The following CTNND2 variants were observed in gnomAD, a reference collection of about 807,000 sequenced individuals.
CTNND2 encodes the protein catenin delta-2.
A neutral mutation model predicts 144.4 loss-of-function variants in CTNND2; 22 were observed. The observed-to-expected ratio is 0.15, with a 90% CI of 0.11 to 0.22. CTNND2 has a LOEUF of 0.22. CTNND2 is among the 10% of genes least tolerant of loss of function. The pLI is 1.00. For missense variants in CTNND2, 1,353 were observed against 1,618.8 expected (o/e 0.84, Z 2.82); for synonymous variants, 751 against 695.6 (o/e 1.08, Z -1.25).
chr5:11,112,574 T>C (rs1753107454), intron 13 of CTNND2, among the ~76,000 whole-genome samples: 1 of 152,170 alleles, frequency 6.6e-6, no homozygotes, highest in South Asian at 2.1e-4. Flanking sequence ...AGCCACCAAG[T>C]TTGTGGTCAT....
intron 1 of CTNND2, among the ~76,000 whole-genome samples, chr5:11,815,204 GT>G (rs1407277948): frequency 2.0e-5 from 3 of 152,072 alleles, no homozygotes; most frequent in Non-Finnish European, 4.4e-5. Context: ...TGGAAAAGGA[GT>G]TTAATTCAAA....
At chr5:11,563,454 C>A (rs1776831622) in intron 3 of CTNND2, among the ~76,000 whole-genome samples, 1 of 152,202 alleles carries the variant, frequency 6.6e-6, no homozygotes, top group African/African-American at 2.4e-5. Flanking sequence ...ATTTTTCTCT[C>A]TCCCTAAATT....
intron 3 of CTNND2, among the ~76,000 whole-genome samples, chr5:11,434,237 T>C (rs114972575): frequency 0.022 from 3,304 of 152,314 alleles, 67 homozygotes; most frequent in Non-Finnish European, 0.037. Flanking sequence ...AAACATGCCA[T>C]TGATTCCATT....
In CTNND2 at chr5:11,385,053, C is replaced by T. The variant is rs973764077; in HGVS notation, c.789G>A (p.Pro263=). 6 of 1,111,330 alleles carry T rather than the reference C, an allele frequency of 5.4e-6. No homozygotes were observed. The Admixed American group carries it at 1.5e-4, about 28-fold the overall frequency. 68.8% of individuals were successfully genotyped at this position (1,111,330 alleles called of 1,614,324 possible). ...GCGCGGCCAGCGGGGAGCCCCCGCG[C>T]GGCGGCGCGGGCAGCGTGGAGCTGG... ...YYSSSTLPAP[P]RGGSPLAAPQ... Residue 263 remains proline, a synonymous_variant, in exon 7 of 22, where the codon CCG becomes CCA. Transcript: ENST00000304623.
At chr5:11,226,227 T>C (rs1443331331) in intron 10 of CTNND2, among the ~76,000 whole-genome samples, 1 of 152,172 alleles carries the variant, frequency 6.6e-6, no homozygotes, top group Non-Finnish European at 1.5e-5. Flanking sequence ...GAGATCTAGC[T>C]CTGAGGTACT....
chr5:11,373,783 T>G (rs1757670664), intron 7 of CTNND2, among the ~76,000 whole-genome samples: 1 of 152,178 alleles, frequency 6.6e-6, no homozygotes, highest in Non-Finnish European at 1.5e-5. Context: ...AGCTTCAGAA[T>G]ATCCCCAGAA....
At chr5:11,080,276 C>T (rs1035050050) in intron 16 of CTNND2, among the ~76,000 whole-genome samples, 2 of 152,180 alleles carry the variant, frequency 1.3e-5, no homozygotes, top group Non-Finnish European at 2.9e-5. Context: ...TATCACCTCA[C>T]ACCTATCAGA....
chr5:11,529,873 A>G (rs765187658), intron 3 of CTNND2, among the ~76,000 whole-genome samples: 36 of 152,200 alleles, frequency 2.4e-4, no homozygotes, highest in Middle Eastern at 3.4e-3. Context: ...GGTATCTAAA[A>G]CAGAATTATC....
In CTNND2 at chr5:11,903,324, A is replaced by T; in HGVS notation, c.37+493T>A. ...GGTCTGGCAAGCCGCGGGAGCCTGA[A>T]GACACGGCCATGGACGCATATGACT... On this transcript the variant is annotated intron_variant, in intron 1 of 21. Coordinates refer to ENST00000304623, the MANE Select transcript of CTNND2 (RefSeq NM_001332.4). This position sits in a 1 kb window ranked among gnomAD's most constrained non-coding sequence, Gnocchi z 5.4. The T allele has an allele frequency of 1.0e-6, 1 of 986,044 alleles. No individual in the cohort carries two copies. The allele number at this position is 986,044 out of a possible 1,614,324, so 61.1% of individuals were successfully genotyped here. A position where few individuals can be genotyped will look rare whatever the true frequency, so the allele number is the denominator to read the frequency against.
chr5:11,422,060 A>G (rs1164201591), intron 3 of CTNND2, among the ~76,000 whole-genome samples: 1 of 152,200 alleles, frequency 6.6e-6, no homozygotes, highest in African/African-American at 2.4e-5. Flanking sequence ...ATTACCACAT[A>G]GAGAAGAACA....
chr5:11,640,243 A>C (rs1781930347), intron 2 of CTNND2, among the ~76,000 whole-genome samples: 1 of 152,254 alleles, frequency 6.6e-6, no homozygotes, highest in Non-Finnish European at 1.5e-5. Context: ...AATACATATG[A>C]GTAATTCAAT....
At position 11,303,514 on chromosome 5, in the gene CTNND2, T is replaced by A. The variant is rs567465274; in HGVS notation, c.1628+42858A>T. Among the ~76,000 whole-genome samples, 7 of 152,318 alleles carry A rather than the reference T, an allele frequency of 4.6e-5. No individual in the cohort carries two copies. In the East Asian group the frequency reaches 1.3e-3, roughly 29 times the overall value. The stretch of plus-strand genomic sequence containing the variant: ...CACTGGGTTGCTGAGGCCTTAGTGA[T>A]GTAATGGATGCAAACTGCTGAAGCG... On this transcript the variant is annotated intron_variant, in intron 9 of 21. Coordinates refer to ENST00000304623, the MANE Select transcript of CTNND2 (RefSeq NM_001332.4).
intron 8 of CTNND2, among the ~76,000 whole-genome samples, chr5:11,362,577 A>AT: frequency 6.6e-6 from 1 of 152,186 alleles, no homozygotes; most frequent in Non-Finnish European, 1.5e-5. Flanking sequence ...TTTCCATAGT[A>AT]TTACGTCAAT....
chr5:11,072,205 C>T (rs868419600), intron 16 of CTNND2, among the ~76,000 whole-genome samples: 1 of 152,232 alleles, frequency 6.6e-6, no homozygotes, highest in South Asian at 2.1e-4. Context: ...TTTGATCTCT[C>T]TTGAGCACTG....
chr5:11,855,975 G>C (rs1226834911), intron 1 of CTNND2, among the ~76,000 whole-genome samples: 3 of 152,164 alleles, frequency 2.0e-5, no homozygotes, highest in Non-Finnish European at 2.9e-5. Context: ...AAGTGTGGTT[G>C]CAAGAAAAGG....
At chr5:11,132,048 T>C (rs1387513302) in intron 12 of CTNND2, among the ~76,000 whole-genome samples, 1 of 152,216 alleles carries the variant, frequency 6.6e-6, no homozygotes, top group African/African-American at 2.4e-5. Context: ...ATAACCATCA[T>C]CAAAAAACTG....
chr5:11,298,998 C>A (rs1266405065), intron 9 of CTNND2, among the ~76,000 whole-genome samples: 1 of 150,140 alleles, frequency 6.7e-6, no homozygotes, highest in African/African-American at 2.4e-5. Flanking sequence ...CCTTTTTATT[C>A]CACTGTATAG....
At chr5:11,896,161 T>G (rs960643670) in intron 1 of CTNND2, among the ~76,000 whole-genome samples, 2 of 152,058 alleles carry the variant, frequency 1.3e-5, no homozygotes, top group African/African-American at 4.8e-5. Context: ...CTACCAAAAA[T>G]GAAAATGTCA....
chr5:11,216,401 C>T (rs1272142381), intron 10 of CTNND2, among the ~76,000 whole-genome samples: 1 of 152,206 alleles, frequency 6.6e-6, no homozygotes, highest in Non-Finnish European at 1.5e-5. Flanking sequence ...AAGTTCCTTT[C>T]AAAGCCGAAG....
Sources: allele counts gnomAD v4.1 joint callset (sites outside exome capture counted in the v4.1 genomes callset), GRCh38; gene constraint gnomAD v4.1.1; non-coding constraint Gnocchi (gnomAD v3.1); transcripts MANE v1.5; gene names NCBI Gene and HGNC (gene_info 2026-07-23, HGNC 2026-07-21).